Variants in CSNK2A2 observed in about 807,000 individuals in gnomAD.
CSNK2A2 encodes the protein casein kinase 2 alpha 2, also known as casein kinase II subunit alpha'.
In CSNK2A2, 8 loss-of-function variants were observed where a neutral mutation model predicts 54.0. The ratio of observed to expected loss-of-function variants is 0.15; its 90% confidence interval spans 0.09 to 0.27. The LOEUF is 0.27. CSNK2A2 is among the 10% of genes least tolerant of loss of function. The probability of loss-of-function intolerance (pLI) is 1.00; values close to 1 mark genes in which losing one functional copy is unlikely to be tolerated. For synonymous variants in CSNK2A2, 141 were observed against 153.9 expected (o/e 0.92, Z 0.62); for missense variants, 242 against 439.4 (o/e 0.55, Z 4.02).
At chr16:58,164,240 A>T (rs1408614873) in intron 10 of CSNK2A2, 93 bp from the exon 11 acceptor site, 2 of 1,164,080 alleles carry the variant, frequency 1.7e-6, no homozygotes, top group Non-Finnish European at 2.5e-6. Context: ...AAAGAGAGAC[A>T]GACTGATGGG....
intron 4 of CSNK2A2, among the ~76,000 whole-genome samples, chr16:58,179,270 TG>T: frequency 6.6e-6 from 1 of 151,236 alleles, no homozygotes; most frequent in South Asian, 2.1e-4. Flanking sequence ...GAGGCCAAGG[TG>T]GGCAGATCAC....
intron 5 of CSNK2A2, among the ~76,000 whole-genome samples, chr16:58,173,441 G>T (rs1961793049): frequency 6.6e-6 from 1 of 152,120 alleles, no homozygotes; most frequent in African/African-American, 2.4e-5. Context: ...GTTTTCATTA[G>T]GTTCTTAGTG....
intron 5 of CSNK2A2, among the ~76,000 whole-genome samples, chr16:58,171,988 T>A (rs1450882100): frequency 0.012 from 1,314 of 110,960 alleles, 16 homozygotes; most frequent in African/African-American, 0.033. Context: ...TATTTTTTTT[T>A]TTTTTTTTTT....
At chr16:58,191,486 T>G (rs1962320137) in intron 2 of CSNK2A2, among the ~76,000 whole-genome samples, 1 of 152,114 alleles carries the variant, frequency 6.6e-6, no homozygotes, top group Non-Finnish European at 1.5e-5. Context: ...CTTAGCTTCC[T>G]GAGTAGCTGG....
chr16:58,174,207 AGC>A, intron 5 of CSNK2A2: 1 of 360,922 alleles, frequency 2.8e-6, no homozygotes, highest in Non-Finnish European at 4.9e-6. Context: ...GACCAACAAG[AGC>A]TATGGGAGGT....
At chr16:58,195,503 T>C (rs1217212649) in intron 2 of CSNK2A2, among the ~76,000 whole-genome samples, 1 of 151,592 alleles carries the variant, frequency 6.6e-6, no homozygotes, top group Non-Finnish European at 1.5e-5. Flanking sequence ...GCTTTTCTAG[T>C]CCACAGAACC....
intron 5 of CSNK2A2, among the ~76,000 whole-genome samples, chr16:58,171,573 T>A (rs1961737342): frequency 6.6e-6 from 1 of 151,912 alleles, no homozygotes; most frequent in African/African-American, 2.4e-5. Context: ...TGGGGATACA[T>A]ATAAAGATAT....
chr16:58,178,799 G>A (rs1031753035), intron 4 of CSNK2A2, among the ~76,000 whole-genome samples: 1 of 152,078 alleles, frequency 6.6e-6, no homozygotes, highest in African/African-American at 2.4e-5. Flanking sequence ...AAATTAGTAG[G>A]CCATAATTCT....
chr16:58,182,554 CA>C (rs59002536), intron 4 of CSNK2A2, among the ~76,000 whole-genome samples: 27,053 of 80,578 alleles, frequency 0.34, 2,490 homozygotes, highest in East Asian at 0.42. Flanking sequence ...GGCTCCGTCT[CA>C]AAAAAAAAAA....
intron 4 of CSNK2A2, among the ~76,000 whole-genome samples, chr16:58,179,765 A>C (rs984099923): frequency 3.9e-5 from 6 of 152,094 alleles, no homozygotes; most frequent in African/African-American, 1.4e-4. Flanking sequence ...GTACAAACTT[A>C]AGCACATGTA....
chr16:58,159,115 T>C (rs987020765), intron 11 of CSNK2A2: 1 of 152,234 alleles, frequency 6.6e-6, no homozygotes, highest in African/African-American at 2.4e-5. Flanking sequence ...GCATGGTGCA[T>C]GAGGTTAAGA....
chr16:58,165,848 G>T lies in CSNK2A2; in HGVS notation c.828-140C>A, dbSNP rs2242443. 0.55 allele frequency: 448,919 copies of T among 814,026 alleles called. 127,204 individuals are homozygous for T. Among genetic ancestry groups the T allele is most frequent in the East Asian group, 0.81 (28,922 of 35,624 alleles). The allele number at this position is 814,026 out of a possible 1,614,324, so 50.4% of individuals were successfully genotyped here. On this transcript the variant is annotated intron_variant, in intron 9 of 11. Coordinates refer to ENST00000262506, the MANE Select transcript of CSNK2A2 (RefSeq NM_001896.4). Reference sequence around the variant, plus strand: ...AATCTCTAACTGGTGCCTGCCCTACGGCCCCATAGTTACAGCATAGCATCC... The same window carrying T: ...AATCTCTAACTGGTGCCTGCCCTACTGCCCCATAGTTACAGCATAGCATCC...
intron 5 of CSNK2A2, among the ~76,000 whole-genome samples, chr16:58,168,947 G>C (rs1215884235): frequency 1.3e-5 from 2 of 150,278 alleles, no homozygotes; most frequent in Non-Finnish European, 3.0e-5. Flanking sequence ...TTTTTTTTGA[G>C]ATGGAGTCTT....
At chr16:58,175,229 T>C (rs1426323418) in intron 4 of CSNK2A2, among the ~76,000 whole-genome samples, 1 of 152,180 alleles carries the variant, frequency 6.6e-6, no homozygotes, top group Non-Finnish European at 1.5e-5. Flanking sequence ...CGCTGGGAGT[T>C]TTTAAAAAAT....
At position 58,184,325 on chromosome 16, in the gene CSNK2A2, A is replaced by ATT. The variant is rs1962137842; in HGVS notation, c.319-17_319-16dup. ...GGTGTCTTTGACTGTAAAAGAGAATATTAATGCTTTTTAAGTACCCAAACA... is the reference window on the plus strand; with the variant it reads ...GGTGTCTTTGACTGTAAAAGAGAATATTTTAATGCTTTTTAAGTACCCAAACA... On this transcript the variant is annotated splice_polypyrimidine_tract_variant and intron_variant, in intron 3 of 11. Coordinates refer to ENST00000262506, the MANE Select transcript of CSNK2A2 (RefSeq NM_001896.4). The ATT allele has an allele frequency of 1.9e-6, 3 of 1,564,062 alleles. No individual in the cohort carries two copies. The highest frequency in any genetic ancestry group is 2.6e-6 in the Non-Finnish European group (3 of 1,139,744).
At chr16:58,196,689 C>G (rs747481222) in intron 2 of CSNK2A2, 44 bp downstream of exon 2, 4 of 1,272,010 alleles carry the variant, frequency 3.1e-6, no homozygotes, top group Non-Finnish European at 2.3e-6. Flanking sequence ...AAACTTTTGC[C>G]CTGTGGGGAG....
chr16:58,173,875 A>C (rs973663969), intron 5 of CSNK2A2: 1 of 152,216 alleles, frequency 6.6e-6, no homozygotes, highest in African/African-American at 2.4e-5. Flanking sequence ...TGACACAGGT[A>C]GAGGGTTGAA....
intron 4 of CSNK2A2, among the ~76,000 whole-genome samples, chr16:58,180,078 C>CAAAAAAAAAA (rs71385152): frequency 1.1e-5 from 1 of 91,008 alleles, no homozygotes; most frequent in African/African-American, 3.9e-5. Context: ...GACTCCTTCT[C>CAAAAAAAAAA]AAAAAAAAAA....
intron 4 of CSNK2A2, among the ~76,000 whole-genome samples, chr16:58,181,283 G>T (rs769663746): frequency 1.3e-5 from 2 of 152,228 alleles, no homozygotes; most frequent in African/African-American, 2.4e-5. Flanking sequence ...GAAATGTTCA[G>T]GACGGGGGAC....
Sources: gnomAD v4.1 joint callset for allele counts (sites outside exome capture counted in the v4.1 genomes callset) on GRCh38, gnomAD v4.1.1 for gene constraint, MANE v1.5 for transcripts, NCBI Gene and HGNC (gene_info 2026-07-23, HGNC 2026-07-21) for gene names.